Variants in SFXN4 observed in about 807,000 individuals in gnomAD.
SFXN4 encodes the protein sideroflexin-4.
A neutral mutation model predicts 54.6 loss-of-function variants in SFXN4; 48 were observed. The observed-to-expected ratio is 0.88, with a 90% CI of 0.70 to 1.12. SFXN4 has a LOEUF of 1.12. Among genes scored for constraint, SFXN4 ranks in the 50% most tolerant of loss-of-function variants. The pLI, the probability that SFXN4 is intolerant of heterozygous loss-of-function variation, is 0.00. For missense variants in SFXN4, 383 were observed against 409.2 expected, an observed-to-expected ratio of 0.94 and a Z score of 0.55; for synonymous variants, 130 against 145.5, an observed-to-expected ratio of 0.89 and a Z score of 0.77.
At chr10:119,155,911 C>G (rs1031681795) in intron 10 of SFXN4, among the ~76,000 whole-genome samples, 4 of 152,134 alleles carry the variant, frequency 2.6e-5, no homozygotes, top group African/African-American at 9.7e-5. Flanking sequence ...AGTAAACTTG[C>G]AGGCTGGCAG....
chr10:119,165,278 G>T (rs1589654142), intron 1 of SFXN4: 1 of 1,210,288 alleles, frequency 8.3e-7, no homozygotes. Flanking sequence ...CACCTGCGCG[G>T]ACTGGGCCCC....
chr10:119,162,695 A>G (rs1461849124), intron 2 of SFXN4, among the ~76,000 whole-genome samples: 2 of 152,132 alleles, frequency 1.3e-5, no homozygotes, highest in African/African-American at 4.8e-5. Flanking sequence ...GGTTACCACC[A>G]TCCCCTGGCT....
chr10:119,156,612 G>T, intron 10 of SFXN4, 66 bp downstream of exon 10: 1 of 1,272,560 alleles, frequency 7.9e-7, no homozygotes, highest in Non-Finnish European at 1.1e-6. Context: ...CTCTGGAGAT[G>T]AAGGAAGGCT....
chr10:119,160,497 C>CA (rs1319432392), intron 5 of SFXN4, among the ~76,000 whole-genome samples: 1 of 123,856 alleles, frequency 8.1e-6, no homozygotes, highest in African/African-American at 3.0e-5. Context: ...GCCTAGGTGA[C>CA]AGAGCAAGAC....
In SFXN4 at chr10:119,159,888, A is replaced by C. The variant is rs558185700; in HGVS notation, c.335-135T>G. 4.4e-5 allele frequency: 40 copies of C among 907,908 alleles called. No homozygotes were observed. The South Asian group carries it at 5.6e-4, about 13-fold the overall frequency. 56.2% of individuals were successfully genotyped at this position (907,908 alleles called of 1,614,324 possible). On this transcript the variant is annotated intron_variant, in intron 5 of 13. Transcript: ENST00000355697. ...AGACCTCAAAGGACTTTTTCCACTC[A>C]TTCTTTGTTTTTCTAATAAAGTGGG...
chr10:119,163,433 C>G lies in SFXN4; in HGVS notation c.177+698G>C, dbSNP rs951226788. 4.6e-5 allele frequency among the ~76,000 whole-genome samples: 7 copies of G among 151,788 alleles called. 1 individual carries two copies. In the South Asian group the frequency reaches 1.5e-3, roughly 32 times the overall value. ...TGGGGGAAGGGGATGGAGTTTCGCT[C>G]GTCACGCAGGCTGGAGTGCAGTGGC... is the stretch of plus-strand genomic sequence containing the variant. On this transcript the variant is annotated intron_variant, in intron 2 of 13. Transcript: ENST00000355697.
chr10:119,164,303 T>C (rs1312699609), intron 1 of SFXN4, 107 bp from the exon 2 acceptor site: 2 of 645,396 alleles, frequency 3.1e-6, no homozygotes, highest in East Asian at 3.0e-5. Flanking sequence ...TGCCAGGGTC[T>C]GTGATCTGCC....
Position 119,146,476 on chromosome 10 carries a change from C to T in SFXN4, c.819-123G>A, listed in dbSNP as rs138359021. The T allele has an allele frequency of 0.015, 6,737 of 438,118 alleles. 86 individuals carry two copies. Among genetic ancestry groups the T allele is most frequent in the Non-Finnish European group, 0.018 (4,408 of 249,640 alleles). The allele number at this position is 438,118 out of a possible 1,614,324, so 27.1% of individuals were successfully genotyped here. ...GTGTGTGTGTGCACGTGTGTGTGTA[C>T]CTGAACACCTGGATCAGGGCCTGTT... On this transcript the variant is annotated intron_variant, in intron 12 of 13. Coordinates refer to ENST00000355697, the MANE Select transcript of SFXN4 (RefSeq NM_213649.2).
At position 119,156,738 on chromosome 10, in the gene SFXN4, G is replaced by A; in HGVS notation, c.556C>T (p.Gln186Ter). 6.2e-7 allele frequency: 1 copy of A among 1,610,088 alleles called. No individual in the cohort carries two copies. The highest frequency in any genetic ancestry group is 1.7e-4 in the Middle Eastern group (1 of 6,060). The change falls in exon 10 of 14, where the codon CAG (glutamine) becomes TAG (stop). Residue 186 changes from glutamine (Q) to a stop codon, truncating the protein, a stop_gained. Transcript: ENST00000355697. LOFTEE classifies it high-confidence loss of function. ...TFLGVIPQFVQMKYGLTGPWI... is the reference protein window; with the variant it reads ...TFLGVIPQFV Reference sequence around the variant, plus strand: ...GGGCCAGTCAGGCCATACTTCATCTGGACAAACTGAGGGATTACCTAGAAA... The same window carrying A: ...GGGCCAGTCAGGCCATACTTCATCTAGACAAACTGAGGGATTACCTAGAAA...
chr10:119,161,437 C>CCCA (rs61268542), intron 3 of SFXN4, among the ~76,000 whole-genome samples: 1 of 119,852 alleles, frequency 8.3e-6, no homozygotes, highest in African/African-American at 3.1e-5. Flanking sequence ...CAAAAAAAAA[C>CCCA]AAAAAAAAAA....
At position 119,155,245 on chromosome 10, in the gene SFXN4, C is replaced by A. The variant is rs939778434; in HGVS notation, c.617-68G>T. On this transcript the variant is annotated intron_variant, in intron 10 of 13. Transcript: ENST00000355697. ...GTCTTGTTCCAGCAAAGGAACATCT[C>A]TTTGGGTGTCTGCCCCCTGCAAGCC... 2.3e-5 allele frequency: 25 copies of A among 1,072,732 alleles called. No individual in the cohort carries two copies. The African/African-American group carries it at 2.8e-4, about 12-fold the overall frequency. The allele number at this position is 1,072,732 out of a possible 1,614,324, so 66.5% of individuals were successfully genotyped here.
intron 9 of SFXN4, among the ~76,000 whole-genome samples, chr10:119,157,228 A>G (rs534326144): frequency 4.6e-5 from 7 of 152,144 alleles, no homozygotes; most frequent in Non-Finnish European, 1.0e-4. Context: ...CAGGAGTTTG[A>G]GATCAACCTG....
chr10:119,146,848 G>T (rs1025965963), intron 12 of SFXN4, among the ~76,000 whole-genome samples: 2 of 152,246 alleles, frequency 1.3e-5, no homozygotes, highest in Middle Eastern at 3.4e-3. Context: ...GATTACAGGC[G>T]TGAGCCACCG....
chr10:119,142,546 C>CTTT lies in SFXN4; in HGVS notation c.937-1230_937-1228dup, dbSNP rs35040668. ...CTTGAGCCAACAGGATATTTTGTGT[C>CTTT]TTTTTTTTTTTTTTTTTTAAATGAG... On this transcript the variant is annotated intron_variant, in intron 13 of 13. Transcript: ENST00000355697. Among the ~76,000 whole-genome samples the CTTT allele has an allele frequency of 7.3e-4, 86 of 118,256 alleles. 3 individuals carry two copies. The highest frequency in any genetic ancestry group is 1.8e-3 in the Admixed American group (18 of 9,734). 77.6% of individuals were successfully genotyped at this position (118,256 alleles called of 152,430 possible).
intron 2 of SFXN4, 29 bp downstream of exon 2, chr10:119,164,102 A>T: frequency 7.4e-7 from 1 of 1,354,016 alleles, no homozygotes; most frequent in Non-Finnish European, 1.0e-6. Flanking sequence ...TAAAATGTGA[A>T]ATTCATTAGC....
chr10:119,156,151 G>A (rs12412126), intron 10 of SFXN4, among the ~76,000 whole-genome samples: 46,466 of 152,090 alleles, frequency 0.31, 7,675 homozygotes, highest in South Asian at 0.41. Flanking sequence ...GGCCAGGCGC[G>A]GTGGCTCATG....
In SFXN4 at chr10:119,162,229, G is replaced by C. The variant is rs1463421478; in HGVS notation, c.252+111C>G. ...AGTGGCTCCCAAGGGAAGGAAAAAA[G>C]AAAGAAAAGAGACGGAGACAGAGAT... On this transcript the variant is annotated intron_variant, in intron 3 of 13. Transcript: ENST00000355697. 3 of 822,946 alleles carry C rather than the reference G, an allele frequency of 3.6e-6. No homozygotes were observed. In the African/African-American group the frequency reaches 5.2e-5, roughly 14 times the overall value. The allele number at this position is 822,946 out of a possible 1,614,324, so 51.0% of individuals were successfully genotyped here.
chr10:119,158,972 G>A (rs890886826), intron 6 of SFXN4, among the ~76,000 whole-genome samples: 16 of 151,818 alleles, frequency 1.1e-4, no homozygotes, highest in African/African-American at 3.1e-4. Context: ...AACAGAGCAA[G>A]ACCCTATTTT....
rs746486862 is a variant in SFXN4, at chr10:119,141,215, C to T, written c.*27G>A. The T allele has an allele frequency of 1.9e-6, 3 of 1,549,636 alleles. No individual in the cohort carries two copies. The highest frequency in any genetic ancestry group is 8.9e-7 in the Non-Finnish European group (1 of 1,128,856). The stretch of plus-strand genomic sequence containing the variant: ...AGAGGGGAAGGTTTTCAAGCAGGAA[C>T]CACATAAATTCACCTAAAACTCACG... On this transcript the variant is annotated 3_prime_UTR_variant, in exon 14 of 14. Transcript: ENST00000355697.
Sources: gnomAD v4.1 joint callset for allele counts (sites outside exome capture counted in the v4.1 genomes callset) on GRCh38, gnomAD v4.1.1 for gene constraint, MANE v1.5 for transcripts, NCBI Gene and HGNC (gene_info 2026-07-23, HGNC 2026-07-21) for gene names.